The following PIK3C2G variants were observed in gnomAD, a reference collection of about 807,000 sequenced individuals.
PIK3C2G encodes the protein phosphatidylinositol-4-phosphate 3-kinase catalytic subunit type 2 gamma.
PIK3C2G carries 168 observed loss-of-function variants against 181.1 expected under a neutral mutation model. The observed-to-expected ratio is 0.93, with a 90% CI of 0.82 to 1.05. The LOEUF (loss-of-function observed/expected upper bound fraction) is 1.05. Ranked by LOEUF, PIK3C2G falls within the 50% of genes least tolerant of loss-of-function variation. PIK3C2G has a pLI of 0.00. For missense variants in PIK3C2G, 1,869 were observed against 1,732.8 expected, an observed-to-expected ratio of 1.08 and a Z score of -1.40; for synonymous variants, 573 against 592.2, an observed-to-expected ratio of 0.97 and a Z score of 0.47.
chr12:18,533,206 C>T (rs1295241092), intron 24 of PIK3C2G, among the ~76,000 whole-genome samples: 1 of 152,078 alleles, frequency 6.6e-6, no homozygotes. Context: ...TTACCTCCAA[C>T]CTAAATCTTT....
intron 16 of PIK3C2G, among the ~76,000 whole-genome samples, chr12:18,403,451 T>C (rs1944363101): frequency 6.6e-6 from 1 of 152,144 alleles, no homozygotes; most frequent in Non-Finnish European, 1.5e-5. Context: ...TTTCAACTCC[T>C]CTAAATTAAA....
At chr12:18,654,141 C>A in the PIK3C2G span, among the ~76,000 whole-genome samples, 2 of 151,682 alleles carry the variant, frequency 1.3e-5, no homozygotes, top group South Asian at 2.1e-4. Flanking sequence ...ACAGACTGGG[C>A]AGATATGAAG....
At chr12:18,460,623 C>T (rs1035568540) in intron 18 of PIK3C2G, among the ~76,000 whole-genome samples, 1 of 136,136 alleles carries the variant, frequency 7.3e-6, no homozygotes, top group African/African-American at 2.7e-5. Flanking sequence ...ACATCATATT[C>T]ATATATATAT....
chr12:18,473,346 C>T (rs1350144218), intron 18 of PIK3C2G, among the ~76,000 whole-genome samples: 1 of 152,194 alleles, frequency 6.6e-6, no homozygotes, highest in Admixed American at 6.6e-5. Context: ...ATTATCCTCT[C>T]TGATACTGTG....
chr12:18,589,056 A>G (rs961115806), intron 29 of PIK3C2G, among the ~76,000 whole-genome samples: 5 of 152,052 alleles, frequency 3.3e-5, no homozygotes, highest in Non-Finnish European at 5.9e-5. Flanking sequence ...ACACATGAAC[A>G]CAAAGACAGG....
intron 30 of PIK3C2G, among the ~76,000 whole-genome samples, chr12:18,608,374 G>A (rs1330502329): frequency 2.6e-5 from 4 of 152,036 alleles, no homozygotes; most frequent in Non-Finnish European, 2.9e-5. Flanking sequence ...ATACTATGCA[G>A]CCATAAAAAA....
the PIK3C2G span, among the ~76,000 whole-genome samples, chr12:18,680,378 T>A: frequency 1.4e-3 from 207 of 152,060 alleles, 1 homozygote; most frequent in African/African-American, 4.8e-3. Flanking sequence ...CTCCCTTATA[T>A]CCAACATTTA....
intron 1 of PIK3C2G, among the ~76,000 whole-genome samples, chr12:18,266,941 A>G (rs1237614211): frequency 6.6e-6 from 1 of 151,860 alleles, no homozygotes; most frequent in Non-Finnish European, 1.5e-5. Flanking sequence ...GTATATATGT[A>G]CCATATACAT....
rs1949783854 is a variant in PIK3C2G, at chr12:18,640,316, A to G, written c.4183-113A>G. On this transcript the variant is annotated intron_variant, in intron 31 of 32. Transcript: ENST00000538779. The stretch of plus-strand genomic sequence containing the variant: ...GATTTTCTCTTATTTTCACATCAAC[A>G]AAGTGACTGTAATAAATCCTGATCC... 6.1e-6 allele frequency: 5 copies of G among 819,208 alleles called. No homozygotes were observed. In the Admixed American group the frequency reaches 1.6e-4, roughly 27 times the overall value. The allele number at this position is 819,208 out of a possible 1,614,324, so 50.7% of individuals were successfully genotyped here.
chr12:18,639,669 A>C (rs1020573581), intron 31 of PIK3C2G, among the ~76,000 whole-genome samples: 12 of 152,140 alleles, frequency 7.9e-5, no homozygotes, highest in African/African-American at 2.9e-4. Flanking sequence ...ACATATCCAT[A>C]ACAGATTTGA....
chr12:18,499,229 G>GT (rs1325840733), intron 22 of PIK3C2G, among the ~76,000 whole-genome samples: 4 of 152,166 alleles, frequency 2.6e-5, no homozygotes, highest in African/African-American at 9.7e-5. Flanking sequence ...TTCAATAGCT[G>GT]TAAGATTTCA....
chr12:18,544,014 A>T (rs982357867), intron 25 of PIK3C2G, among the ~76,000 whole-genome samples: 6 of 151,934 alleles, frequency 3.9e-5, no homozygotes, highest in Non-Finnish European at 5.9e-5. Flanking sequence ...AAGTAGAACC[A>T]AAATATGATT....
intron 18 of PIK3C2G, among the ~76,000 whole-genome samples, chr12:18,473,318 G>A (rs912340709): frequency 6.6e-6 from 1 of 152,114 alleles, no homozygotes; most frequent in Non-Finnish European, 1.5e-5. Context: ...CACATGCTTG[G>A]AAAAACACTG....
At chr12:18,650,696 GTGTGTGTGTATATATCTATATATATA>G (rs1485091822), downstream of PIK3C2G, among the ~76,000 whole-genome samples, 375 of 43,654 alleles carry the variant, frequency 8.6e-3, 12 homozygotes, top group Admixed American at 0.01. Context: ...GTGTGTGTGT[GTGTGTGTGTATATATCTATATATATA>G]TATATATATA....
At chr12:18,314,465 T>C (rs74070208) in intron 6 of PIK3C2G, 3,465 of 156,254 alleles carry the variant, frequency 0.022, 128 homozygotes, top group African/African-American at 0.078. Context: ...CTCTGTCTTC[T>C]TCTTTCTCCC....
At chr12:18,600,291 T>TA (rs200608246) in intron 30 of PIK3C2G, among the ~76,000 whole-genome samples, 14 of 151,278 alleles carry the variant, frequency 9.3e-5, no homozygotes, top group South Asian at 2.1e-4. Flanking sequence ...GTTTAGGAAT[T>TA]AAAAAAAAAT....
intron 13 of PIK3C2G, among the ~76,000 whole-genome samples, chr12:18,379,842 G>A (rs946311871): frequency 1.3e-5 from 2 of 152,064 alleles, no homozygotes; most frequent in Non-Finnish European, 2.9e-5. Flanking sequence ...CCTATCACAT[G>A]CCCTTGTTAC....
chr12:18,473,143 G>A (rs1404813533), intron 18 of PIK3C2G, among the ~76,000 whole-genome samples: 1 of 152,028 alleles, frequency 6.6e-6, no homozygotes, highest in African/African-American at 2.4e-5. Flanking sequence ...TTTTATCCTG[G>A]GGGTGCATGT....
At chr12:18,650,536 C>T (rs1950402664), downstream of PIK3C2G, among the ~76,000 whole-genome samples, 1 of 149,708 alleles carries the variant, frequency 6.7e-6, no homozygotes, top group South Asian at 2.1e-4. Flanking sequence ...TGCTCATTTA[C>T]ATTACCATAT....
Sources: allele counts gnomAD v4.1 joint callset (sites outside exome capture counted in the v4.1 genomes callset), GRCh38; gene constraint gnomAD v4.1.1; transcripts MANE v1.5; gene names NCBI Gene and HGNC (gene_info 2026-07-23, HGNC 2026-07-21).